The following COL22A1 variants were observed in gnomAD, a reference collection of about 807,000 sequenced individuals.
The protein encoded by COL22A1 is collagen type XXII alpha 1 chain, also known as collagen alpha-1(XXII) chain.
In COL22A1, 221 loss-of-function variants were observed where a neutral mutation model predicts 248.9. That is an observed-to-expected ratio of 0.89 (90% CI 0.80 to 0.99). The LOEUF (loss-of-function observed/expected upper bound fraction) is 0.99. Among genes scored for constraint, COL22A1 ranks in the 50% least tolerant of loss-of-function variants. COL22A1 has a pLI of 0.00. For synonymous variants in COL22A1, 891 were observed against 793.4 expected (o/e 1.12, Z -2.07); for missense variants, 2,240 against 2,179.0 (o/e 1.03, Z -0.56).
chr8:138,728,741 A>G (rs1830503710), intron 23 of COL22A1, among the ~76,000 whole-genome samples: 1 of 152,114 alleles, frequency 6.6e-6, no homozygotes, highest in African/African-American at 2.4e-5. Context: ...TTTAGGTCAC[A>G]CAGCCATCAT....
At chr8:138,610,676 C>G (rs1033563297) in intron 56 of COL22A1, among the ~76,000 whole-genome samples, 1 of 152,172 alleles carries the variant, frequency 6.6e-6, no homozygotes, top group Non-Finnish European at 1.5e-5. Flanking sequence ...CATGCCCCAC[C>G]CCGCATGTGG....
chr8:138,673,211 A>T (rs371478972), intron 41 of COL22A1, among the ~76,000 whole-genome samples: 8 of 138,342 alleles, frequency 5.8e-5, no homozygotes, highest in South Asian at 2.3e-4. Context: ...CAGCCGATCT[A>T]TTTTTTTTTT....
chr8:138,804,102 C>T (rs1817247336), intron 10 of COL22A1, among the ~76,000 whole-genome samples: 1 of 152,200 alleles, frequency 6.6e-6, no homozygotes, highest in South Asian at 2.1e-4. Flanking sequence ...CTGCTCCCTT[C>T]CCCCTGGCCT....
intron 1 of COL22A1, among the ~76,000 whole-genome samples, chr8:138,884,373 A>G (rs1824478902): frequency 6.6e-6 from 1 of 152,224 alleles, no homozygotes; most frequent in Non-Finnish European, 1.5e-5. Flanking sequence ...ACAGTCAGTA[A>G]GTACCTATGA....
chr8:138,848,561 A>G (rs73368814), intron 3 of COL22A1, among the ~76,000 whole-genome samples: 1 of 152,166 alleles, frequency 6.6e-6, no homozygotes, highest in Non-Finnish European at 1.5e-5. Flanking sequence ...TGACGCAACC[A>G]TGGTTCTGTC....
chr8:138,892,877 G>A (rs1825159867), intron 1 of COL22A1, among the ~76,000 whole-genome samples: 1 of 152,240 alleles, frequency 6.6e-6, no homozygotes, highest in Non-Finnish European at 1.5e-5. Context: ...GGGGCTGGGG[G>A]AATGAGGCAC....
intron 48 of COL22A1, 56 bp from the exon 49 acceptor site, chr8:138,635,119 T>A: frequency 7.2e-7 from 1 of 1,391,558 alleles, no homozygotes; most frequent in Non-Finnish European, 9.9e-7. Context: ...CTTTTTACTT[T>A]GTGCAAATAT....
chr8:138,887,189 CT>C (rs1013984647), intron 1 of COL22A1, among the ~76,000 whole-genome samples: 1 of 151,760 alleles, frequency 6.6e-6, no homozygotes, highest in African/African-American at 2.4e-5. Context: ...CTCCCCACCC[CT>C]AGCCCCTCAC....
At chr8:138,845,241 T>A (rs915657491) in intron 3 of COL22A1, among the ~76,000 whole-genome samples, 1 of 150,396 alleles carries the variant, frequency 6.6e-6, no homozygotes, top group Non-Finnish European at 1.5e-5. Context: ...GAAGGGCAGG[T>A]GTGGTGGCTC....
chr8:138,599,924 G>A (rs747414135), intron 60 of COL22A1, among the ~76,000 whole-genome samples: 4 of 152,200 alleles, frequency 2.6e-5, no homozygotes, highest in Non-Finnish European at 5.9e-5. Context: ...GACTGATGGT[G>A]GAGCTGCTGA....
chr8:138,694,695 A>T, intron 33 of COL22A1, 131 bp downstream of exon 33: 1 of 1,373,786 alleles, frequency 7.3e-7, no homozygotes, highest in Non-Finnish European at 1.0e-6. Flanking sequence ...TGAGGAGAAG[A>T]AAGGGCTGCC....
intron 3 of COL22A1, among the ~76,000 whole-genome samples, chr8:138,846,369 C>T (rs1009051202): frequency 2.6e-5 from 4 of 152,202 alleles, no homozygotes; most frequent in South Asian, 4.1e-4. Flanking sequence ...GAGTAGGCTG[C>T]TCCATTGAGT....
At chr8:138,703,442 CAGA>C in intron 30 of COL22A1, 95 bp from the exon 31 acceptor site, 1 of 1,208,976 alleles carries the variant, frequency 8.3e-7, no homozygotes, top group Non-Finnish European at 1.2e-6. Flanking sequence ...CCCCAGACAA[CAGA>C]AGGTGTTGTC....
chr8:138,776,061 G>A, intron 15 of COL22A1, 51 bp from the exon 16 acceptor site: 1 of 1,586,044 alleles, frequency 6.3e-7, no homozygotes, highest in Non-Finnish European at 8.7e-7. Context: ...TGGCTTCTCT[G>A]TGCTCACCGT....
At chr8:138,689,914 T>G (rs765671414) in intron 36 of COL22A1, among the ~76,000 whole-genome samples, 3 of 152,132 alleles carry the variant, frequency 2.0e-5, no homozygotes, top group Non-Finnish European at 4.4e-5. Context: ...CTCAACAACA[T>G]ACTCTTTAGA....
At chr8:138,857,300 A>C (rs1462249172) in intron 3 of COL22A1, among the ~76,000 whole-genome samples, 1 of 152,140 alleles carries the variant, frequency 6.6e-6, no homozygotes, top group Non-Finnish European at 1.5e-5. Context: ...CAGGCCCTAC[A>C]TCTGGGGAGA....
chr8:138,841,350 G>A (rs767472692), intron 4 of COL22A1, among the ~76,000 whole-genome samples: 266 of 152,260 alleles, frequency 1.7e-3, no homozygotes, highest in Non-Finnish European at 2.3e-3. Flanking sequence ...TCATTATAAT[G>A]CCTTCAGATT....
At chr8:138,602,035 A>T in intron 60 of COL22A1, 80 bp downstream of exon 60, 1 of 1,517,742 alleles carries the variant, frequency 6.6e-7, no homozygotes, top group East Asian at 2.3e-5. Flanking sequence ...TGCCTTGGAC[A>T]AAGGCCAGGC....
intron 11 of COL22A1, among the ~76,000 whole-genome samples, chr8:138,797,580 C>T (rs1186453363): frequency 6.6e-6 from 1 of 152,096 alleles, no homozygotes; most frequent in Non-Finnish European, 1.5e-5. Context: ...CATATCTTTG[C>T]ATTTTTGAGG....
Sources: allele counts gnomAD v4.1 joint callset (sites outside exome capture counted in the v4.1 genomes callset), GRCh38; gene constraint gnomAD v4.1.1; transcripts MANE v1.5; gene names NCBI Gene and HGNC (gene_info 2026-07-23, HGNC 2026-07-21).